Variants in APOD observed in about 807,000 individuals in gnomAD.
The protein encoded by APOD is apo-D.
A neutral mutation model predicts 20.4 loss-of-function variants in APOD; 22 were observed. The observed-to-expected ratio is 1.08, with a 90% CI of 0.77 to 1.54. APOD has a LOEUF of 1.54. APOD is among the 40% of genes most tolerant of loss of function. The pLI is 0.00. For missense variants in APOD, 223 were observed against 229.6 expected (o/e 0.97, Z 0.19); for synonymous variants, 97 against 92.4 (o/e 1.05, Z -0.29).
At chr3:195,574,104 A>G (rs1349974280) in intron 2 of APOD, 133 bp from the exon 3 acceptor site, 2 of 1,236,394 alleles carry the variant, frequency 1.6e-6, no homozygotes, top group African/African-American at 3.0e-5. Context: ...CCCAGTGGCA[A>G]CTGGGCAAGA....
Position 195,571,316 on chromosome 3 carries a change from G to A in APOD, c.295C>T (p.Leu99Phe), listed in dbSNP as rs771143511. Residue 99 changes from leucine (L) to phenylalanine (F), a missense_variant, in exon 4 of 5, where the codon CTC (leucine) becomes TTC (phenylalanine). Coordinates refer to ENST00000343267, the MANE Select transcript of APOD (RefSeq NM_001647.4). ...ACTTCCAGCTTGGCAGGCTCTGTGA[G>A]GTTAACTGGGGTGGCTTCACCTTCG... Reference protein sequence around the residue: ...QIEGEATPVNLTEPAKLEVKF... With the variant: ...QIEGEATPVNFTEPAKLEVKF... 1.2e-6 allele frequency: 2 copies of A among 1,614,108 alleles called. No individual in the cohort carries two copies. The highest frequency in any genetic ancestry group is 1.3e-5 in the African/African-American group (1 of 75,022).
chr3:195,573,618 G>A (rs1235731875), intron 3 of APOD, among the ~76,000 whole-genome samples: 1 of 152,234 alleles, frequency 6.6e-6, no homozygotes, highest in African/African-American at 2.4e-5. Flanking sequence ...CTATTTTGCA[G>A]TGAGTGCAGG....
chr3:195,580,486 C>A (rs571866515), intron 1 of APOD, among the ~76,000 whole-genome samples: 182 of 151,988 alleles, frequency 1.2e-3, no homozygotes, highest in Non-Finnish European at 2.2e-3. Flanking sequence ...CTCACTGCAA[C>A]CTCTGTCTCC....
chr3:195,581,576 T>C (rs1251687437), intron 1 of APOD, among the ~76,000 whole-genome samples: 1 of 152,184 alleles, frequency 6.6e-6, no homozygotes, highest in Non-Finnish European at 1.5e-5. Flanking sequence ...AGCTGGGGCC[T>C]GGAAGGGGCA....
intron 4 of APOD, chr3:195,570,889 C>T (rs779003777): frequency 4.3e-5 from 8 of 187,634 alleles, no homozygotes; most frequent in East Asian, 1.2e-4. Flanking sequence ...GTTTCTGCGC[C>T]GTGCAGGTTG....
At chr3:195,581,021 A>G (rs1236648362) in intron 1 of APOD, among the ~76,000 whole-genome samples, 2 of 152,240 alleles carry the variant, frequency 1.3e-5, no homozygotes, top group Non-Finnish European at 2.9e-5. Context: ...ATGCAATGCA[A>G]GCAAAATGTT....
At chr3:195,571,425 C>A (rs1720157770) in intron 3 of APOD, 60 bp from the exon 4 acceptor site, 8 of 1,488,380 alleles carry the variant, frequency 5.4e-6, no homozygotes, top group Non-Finnish European at 7.4e-6. Context: ...AAAAACAACT[C>A]ATTGAAAGCC....
intron 2 of APOD, among the ~76,000 whole-genome samples, chr3:195,577,615 G>A (rs1402554617): frequency 6.6e-6 from 1 of 152,144 alleles, no homozygotes; most frequent in Non-Finnish European, 1.5e-5. Context: ...ACACTGTGTG[G>A]TACTGGCATA....
chr3:195,572,742 T>G (rs915072390), intron 3 of APOD, among the ~76,000 whole-genome samples: 1 of 152,084 alleles, frequency 6.6e-6, no homozygotes, highest in Non-Finnish European at 1.5e-5. Context: ...CCGGGCGTGG[T>G]GGCTCACGCC....
chr3:195,569,772 CCTT>C (rs1267539450), intron 4 of APOD, among the ~76,000 whole-genome samples: 2 of 145,158 alleles, frequency 1.4e-5, no homozygotes, highest in South Asian at 2.3e-4. Flanking sequence ...TTTATTCAGG[CCTT>C]CTTCTTCTTC....
Position 195,568,840 on chromosome 3 carries a change from G to GGGGGT in APOD, c.*59_*60insACCCC. ...GATTGGTTTGTCTTTATGGGGGGGG[G>GGGGGT]GTAGGGGAAAGCGAAGCAGAAGTAA... On this transcript the variant is annotated 3_prime_UTR_variant, in exon 5 of 5. Transcript: ENST00000343267. 1 of 1,253,624 alleles carries GGGGGT rather than the reference G, an allele frequency of 8.0e-7. No homozygotes were observed. Among genetic ancestry groups the GGGGGT allele is most frequent in the African/African-American group, 1.6e-5 (1 of 61,402 alleles). 77.7% of individuals were successfully genotyped at this position (1,253,624 alleles called of 1,614,324 possible). A position where few individuals can be genotyped will look rare whatever the true frequency, so the allele number is the denominator to read the frequency against.
At chr3:195,570,058 T>G (rs1333741293) in intron 4 of APOD, among the ~76,000 whole-genome samples, 1 of 152,138 alleles carries the variant, frequency 6.6e-6, no homozygotes, top group Non-Finnish European at 1.5e-5. Flanking sequence ...ATTCAGGCCT[T>G]CTTCTATGTT....
rs1553889297 is a variant in APOD, at chr3:195,568,831, T to TGGGGC, written c.*68_*69insGCCCC. 1.1e-6 allele frequency: 1 copy of TGGGGC among 896,790 alleles called. No individual in the cohort carries two copies. 55.6% of individuals were successfully genotyped at this position (896,790 alleles called of 1,614,324 possible). ...GTCGTGGTTGATTGGTTTGTCTTTA[T>TGGGGC]GGGGGGGGGGTAGGGGAAAGCGAAG... On this transcript the variant is annotated 3_prime_UTR_variant, in exon 5 of 5. Transcript: ENST00000343267.
intron 2 of APOD, among the ~76,000 whole-genome samples, chr3:195,578,437 G>A (rs879524706): frequency 6.6e-6 from 1 of 152,128 alleles, no homozygotes; most frequent in Non-Finnish European, 1.5e-5. Context: ...CGATGTTACT[G>A]TTGCCATTCT....
At chr3:195,574,047 C>A in intron 2 of APOD, 76 bp from the exon 3 acceptor site, 3 of 1,576,536 alleles carry the variant, frequency 1.9e-6, no homozygotes, top group Non-Finnish European at 1.7e-6. Flanking sequence ...GTCGTGCAGA[C>A]GCAGAGCCCT....
chr3:195,569,827 T>C (rs1381410844), intron 4 of APOD, among the ~76,000 whole-genome samples: 4 of 140,522 alleles, frequency 2.8e-5, no homozygotes, highest in Admixed American at 2.1e-4. Flanking sequence ...GAGATGGAGT[T>C]TCACTCTTGT....
rs1412740377 is a variant in APOD, at chr3:195,579,506, G to A, written c.-34-11C>T. 1.9e-6 allele frequency: 3 copies of A among 1,603,020 alleles called. No individual in the cohort carries two copies. The highest frequency in any genetic ancestry group is 2.5e-6 in the Non-Finnish European group (3 of 1,178,782). On this transcript the variant is annotated splice_polypyrimidine_tract_variant and intron_variant, in intron 1 of 4. Coordinates refer to ENST00000343267, the MANE Select transcript of APOD (RefSeq NM_001647.4). ...AGAAGGGACCTGGAGCTGCGGGAAC[G>A]CAAAGCAGCTGGGGTTGTCATTCTG...
chr3:195,576,580 C>T (rs1258302431), intron 2 of APOD, among the ~76,000 whole-genome samples: 1 of 152,126 alleles, frequency 6.6e-6, no homozygotes, highest in Non-Finnish European at 1.5e-5. Flanking sequence ...GAGGCCGAGG[C>T]GGGTGGATCA....
At chr3:195,581,592 C>T (rs1237112085) in intron 1 of APOD, among the ~76,000 whole-genome samples, 1 of 152,180 alleles carries the variant, frequency 6.6e-6, no homozygotes, top group African/African-American at 2.4e-5. Flanking sequence ...GGGCAGAGAG[C>T]TGGGACTCGA....
Sources: gnomAD v4.1 joint callset for allele counts (sites outside exome capture counted in the v4.1 genomes callset) on GRCh38, gnomAD v4.1.1 for gene constraint, MANE v1.5 for transcripts, NCBI Gene and HGNC (gene_info 2026-07-23, HGNC 2026-07-21) for gene names.